The following GABRB2 variants were observed in gnomAD, a reference collection of about 807,000 sequenced individuals.
The protein encoded by GABRB2 is gamma-aminobutyric acid type A receptor subunit beta2.
Under a neutral mutation model 54.7 loss-of-function variants are expected in GABRB2, and 16 were observed. The observed-to-expected ratio is 0.29, with a 90% CI of 0.20 to 0.44. GABRB2 has a LOEUF of 0.44. GABRB2 is among the 20% of genes least tolerant of loss of function. The pLI, the probability that GABRB2 is intolerant of heterozygous loss-of-function variation, is 1.00. For synonymous variants in GABRB2, 244 were observed against 233.8 expected (o/e 1.04, Z -0.40); for missense variants, 355 against 644.0 (o/e 0.55, Z 4.86).
intron 4 of GABRB2, among the ~76,000 whole-genome samples, chr5:161,454,809 C>T (rs561522339): frequency 2.4e-4 from 37 of 152,142 alleles, no homozygotes; most frequent in Non-Finnish European, 4.4e-4. Flanking sequence ...AAGCCACCGA[C>T]AAAAGTCCAA....
At chr5:161,525,665 C>G (rs1308964952) in intron 3 of GABRB2, among the ~76,000 whole-genome samples, 1 of 150,938 alleles carries the variant, frequency 6.6e-6, no homozygotes, top group African/African-American at 2.4e-5. Flanking sequence ...CATGGGATAC[C>G]AGCTTTGTTT....
chr5:161,422,691 G>T (rs1296178132), intron 4 of GABRB2, among the ~76,000 whole-genome samples: 1 of 152,002 alleles, frequency 6.6e-6, no homozygotes, highest in Non-Finnish European at 1.5e-5. Flanking sequence ...CCCTAAGTTT[G>T]CACTAAGGGC....
chr5:161,524,483 C>A (rs1760211355), intron 3 of GABRB2, among the ~76,000 whole-genome samples: 2 of 151,596 alleles, frequency 1.3e-5, no homozygotes, highest in South Asian at 2.1e-4. Flanking sequence ...GCAGGAGCAC[C>A]AGATTGTACA....
chr5:161,380,532 C>T (rs1317577940), intron 5 of GABRB2, among the ~76,000 whole-genome samples: 1 of 152,074 alleles, frequency 6.6e-6, no homozygotes, highest in East Asian at 1.9e-4. Context: ...GAGAGTTGAG[C>T]TGCATTCTGA....
intron 9 of GABRB2, among the ~76,000 whole-genome samples, chr5:161,317,196 C>G (rs1005492600): frequency 4.6e-5 from 7 of 152,040 alleles, no homozygotes; most frequent in Non-Finnish European, 8.8e-5. Context: ...AACAATTACT[C>G]AATATGAGTA....
chr5:161,515,102 A>C (rs1759897289), intron 3 of GABRB2, among the ~76,000 whole-genome samples: 1 of 152,164 alleles, frequency 6.6e-6, no homozygotes, highest in Non-Finnish European at 1.5e-5. Context: ...AGATAGGTAG[A>C]AAAAAGGACC....
chr5:161,428,198 G>T (rs1757061537), intron 4 of GABRB2, among the ~76,000 whole-genome samples: 1 of 151,902 alleles, frequency 6.6e-6, no homozygotes, highest in African/African-American at 2.4e-5. Flanking sequence ...CAACTTTGAG[G>T]TTTACAACAG....
At chr5:161,318,495 T>C (rs1758110219) in intron 9 of GABRB2, among the ~76,000 whole-genome samples, 2 of 152,186 alleles carry the variant, frequency 1.3e-5, no homozygotes, top group East Asian at 3.9e-4. Flanking sequence ...TCCAATGATA[T>C]GAAATTATAC....
intron 4 of GABRB2, among the ~76,000 whole-genome samples, chr5:161,453,249 G>C (rs563331345): frequency 4.6e-5 from 7 of 152,272 alleles, no homozygotes; most frequent in African/African-American, 1.7e-4. Flanking sequence ...TCTCTAAAGA[G>C]TTTGGTAAAT....
chr5:161,485,058 C>A (rs72813580), intron 3 of GABRB2, among the ~76,000 whole-genome samples: 3 of 151,896 alleles, frequency 2.0e-5, no homozygotes, highest in Admixed American at 1.3e-4. Context: ...TCTGTATGAC[C>A]GTTCCCTTCT....
intron 3 of GABRB2, among the ~76,000 whole-genome samples, chr5:161,543,862 A>G (rs1042789393): frequency 7.2e-5 from 11 of 152,230 alleles, no homozygotes; most frequent in African/African-American, 2.7e-4. Flanking sequence ...GAAACATCCA[A>G]TATTATCTTT....
intron 3 of GABRB2, among the ~76,000 whole-genome samples, chr5:161,496,935 G>T (rs1169802209): frequency 6.6e-6 from 1 of 152,034 alleles, no homozygotes; most frequent in Non-Finnish European, 1.5e-5. Context: ...TACTAAAACT[G>T]CTTATAATAA....
At chr5:161,543,672 A>G (rs756371868) in intron 3 of GABRB2, among the ~76,000 whole-genome samples, 1 of 152,188 alleles carries the variant, frequency 6.6e-6, no homozygotes, top group Admixed American at 6.5e-5. Context: ...CTGAGACATA[A>G]GAAGGTACCC....
At chr5:161,497,512 G>T (rs1759288579) in intron 3 of GABRB2, among the ~76,000 whole-genome samples, 1 of 130,920 alleles carries the variant, frequency 7.6e-6, no homozygotes, top group Non-Finnish European at 1.6e-5. Flanking sequence ...TGGACTTTGT[G>T]TGTGTGAGTG....
At chr5:161,539,149 T>C (rs1473116626) in intron 3 of GABRB2, among the ~76,000 whole-genome samples, 1 of 152,232 alleles carries the variant, frequency 6.6e-6, no homozygotes, top group African/African-American at 2.4e-5. Flanking sequence ...AAGAATCTGC[T>C]TTAAATGAAG....
intron 5 of GABRB2, among the ~76,000 whole-genome samples, chr5:161,356,207 C>T (rs79647388): frequency 9.3e-4 from 141 of 152,206 alleles, no homozygotes; most frequent in African/African-American, 3.1e-3. Context: ...AACTTGAATA[C>T]GCTAATTAGA....
At chr5:161,343,285 A>G (rs1754226775) in intron 5 of GABRB2, among the ~76,000 whole-genome samples, 1 of 151,966 alleles carries the variant, frequency 6.6e-6, no homozygotes, top group South Asian at 2.1e-4. Flanking sequence ...AGGGTAGGTC[A>G]GGCTTGATTA....
intron 4 of GABRB2, among the ~76,000 whole-genome samples, chr5:161,418,814 A>C (rs952976046): frequency 1.3e-5 from 2 of 152,222 alleles, no homozygotes; most frequent in Admixed American, 1.3e-4. Context: ...CATCATTAAA[A>C]AGTGGGCAAA....
chr5:161,482,053 G>T (rs1758778747), intron 3 of GABRB2, among the ~76,000 whole-genome samples: 1 of 151,942 alleles, frequency 6.6e-6, no homozygotes, highest in Non-Finnish European at 1.5e-5. Context: ...AAGGCTGGCT[G>T]GGGACAGACC....
Sources: allele counts gnomAD v4.1 joint callset (sites outside exome capture counted in the v4.1 genomes callset), GRCh38; gene constraint gnomAD v4.1.1; transcripts MANE v1.5; gene names NCBI Gene and HGNC (gene_info 2026-07-23, HGNC 2026-07-21).